The following CCDC88A variants were observed in gnomAD, a reference collection of about 807,000 sequenced individuals.
CCDC88A encodes the protein coiled-coil and HOOK domain protein 88A.
In CCDC88A, 54 loss-of-function variants were observed where a neutral mutation model predicts 234.3. That is an observed-to-expected ratio of 0.23 (90% CI 0.19 to 0.29). The LOEUF (loss-of-function observed/expected upper bound fraction) is 0.29, where lower values mean the gene tolerates loss of function less well. CCDC88A is among the 10% of genes least tolerant of loss of function. The pLI, the probability that CCDC88A is intolerant of heterozygous loss-of-function variation, is 1.00. For synonymous variants in CCDC88A, 753 were observed against 737.8 expected (o/e 1.02, Z -0.33); for missense variants, 1,832 against 2,123.4 (o/e 0.86, Z 2.70).
rs1158046207 is a variant in CCDC88A at position 55,388,809 on chromosome 2, A to T, written c.242T>A (p.Ile81Asn). The T allele has an allele frequency of 1.3e-6, 2 of 1,525,340 alleles. No homozygotes were observed. Among genetic ancestry groups the T allele is most frequent in the Non-Finnish European group, 1.8e-6 (2 of 1,116,256 alleles). 94.5% of individuals were successfully genotyped at this position (1,525,340 alleles called of 1,614,324 possible). A position where few individuals can be genotyped will look rare whatever the true frequency, so the allele number is the denominator to read the frequency against. ...DASLRMHNLS[I>N]LVRQIKFYYQ... is the part of the protein sequence containing the mutation. ...ATAAAATTTTATCTGTCTCACCAAAATGGATAGATTGTGCATTCTAAGTGA... is the reference window on the plus strand; with the variant it reads ...ATAAAATTTTATCTGTCTCACCAAATTGGATAGATTGTGCATTCTAAGTGA... The change falls in exon 3 of 33, where the codon ATT becomes AAT. Residue 81 changes from isoleucine to asparagine, a missense_variant. By Grantham distance (149) the Ile-to-Asn change is moderately radical. Transcript: ENST00000436346.
Position 55,367,528 on chromosome 2 carries a change from G to GTTTTTTTTTGTTT in CCDC88A, c.403-3496_403-3495insAAACAAAAAAAAA. On this transcript the variant is annotated intron_variant, in intron 5 of 32. Transcript: ENST00000436346. ...TTGCTAGAAATTGTTTTATTTCCTT[G>GTTTTTTTTTGTTT]TTTTTTTTTAAGAGACTGGGTCTTG... Among the ~76,000 whole-genome samples, 2 of 99,878 alleles carry GTTTTTTTTTGTTT rather than the reference G, an allele frequency of 2.0e-5. 1 individual carries two copies. The highest frequency in any genetic ancestry group is 6.8e-4 in the South Asian group (2 of 2,946). 65.5% of individuals were successfully genotyped at this position (99,878 alleles called of 152,430 possible). A position where few individuals can be genotyped will look rare whatever the true frequency, so the allele number is the denominator to read the frequency against.
chr2:55,413,218 A>C (rs1680788363), intron 2 of CCDC88A, among the ~76,000 whole-genome samples: 1 of 152,180 alleles, frequency 6.6e-6, no homozygotes, highest in Non-Finnish European at 1.5e-5. Flanking sequence ...AAAAACAAAC[A>C]AACAAACAAA....
chr2:55,297,890 G>T (rs1680386873), intron 29 of CCDC88A, among the ~76,000 whole-genome samples: 1 of 152,038 alleles, frequency 6.6e-6, no homozygotes, highest in African/African-American at 2.4e-5. Context: ...ATACACATAA[G>T]GAAAGTTAAA....
chr2:55,316,596 A>G (rs985835780), intron 21 of CCDC88A, among the ~76,000 whole-genome samples: 1 of 152,130 alleles, frequency 6.6e-6, no homozygotes, highest in Non-Finnish European at 1.5e-5. Context: ...TTAGCTAGGC[A>G]TGGTGGTGTG....
chr2:55,400,042 T>C (rs900411150), intron 2 of CCDC88A, among the ~76,000 whole-genome samples: 1 of 152,198 alleles, frequency 6.6e-6, no homozygotes, highest in Non-Finnish European at 1.5e-5. Flanking sequence ...AAAAGAAATG[T>C]AGTCTATTAA....
chr2:55,382,240 G>T (rs1341191390), intron 3 of CCDC88A, among the ~76,000 whole-genome samples: 1 of 152,090 alleles, frequency 6.6e-6, no homozygotes, highest in Non-Finnish European at 1.5e-5. Flanking sequence ...TTTTTTAGAA[G>T]TTAAAGAAAA....
intron 25 of CCDC88A, 179 bp downstream of exon 25, chr2:55,308,630 G>T (rs1361185690): frequency 1.0e-5 from 6 of 583,280 alleles, no homozygotes; most frequent in Non-Finnish European, 1.8e-5. Flanking sequence ...ATCTGTGTAT[G>T]ATTTACCTCA....
At chr2:55,366,534 TACACACACACACACACACACACACAC>T (rs201666406) in intron 5 of CCDC88A, among the ~76,000 whole-genome samples, 2 of 127,638 alleles carry the variant, frequency 1.6e-5, no homozygotes, top group East Asian at 2.2e-4. Flanking sequence ...CACACACACA[TACACACACACACACACACACACACAC>T]ACACACACAC....
chr2:55,401,192 G>C (rs1161178298), intron 2 of CCDC88A, among the ~76,000 whole-genome samples: 3 of 151,660 alleles, frequency 2.0e-5, no homozygotes, highest in African/African-American at 7.3e-5. Flanking sequence ...CACTTTGGGA[G>C]GCTGAGGCCA....
chr2:55,333,064 A>T (rs536929725), intron 15 of CCDC88A, among the ~76,000 whole-genome samples: 6 of 152,308 alleles, frequency 3.9e-5, no homozygotes, highest in Admixed American at 3.3e-4. Context: ...CTCCCACAAG[A>T]TCCCTTCTCC....
chr2:55,306,006 C>A (rs1681520237), intron 25 of CCDC88A: 1 of 152,158 alleles, frequency 6.6e-6, no homozygotes, highest in African/African-American at 2.4e-5. Context: ...AGCTCTGCCT[C>A]CTGGGTTCAT....
chr2:55,309,285 G>T lies in CCDC88A; in HGVS notation c.4080-31C>A, dbSNP rs528459080. 3 of 1,007,264 alleles carry T rather than the reference G, an allele frequency of 3.0e-6. No homozygotes were observed. The highest frequency in any genetic ancestry group is 2.1e-5 in the Admixed American group (1 of 48,750). The allele number at this position is 1,007,264 out of a possible 1,614,324, so 62.4% of individuals were successfully genotyped here. A position where few individuals can be genotyped will look rare whatever the true frequency, so the allele number is the denominator to read the frequency against. ...AAATAAAAATTACCTTTTAGGACAG[G>T]CATCATATTTTGTACAGCTATGAAT... On this transcript the variant is annotated intron_variant, in intron 23 of 32. Transcript: ENST00000436346. The surrounding 1 kb of genome is among the most constrained non-coding windows in gnomAD (Gnocchi z 5.1).
rs764946929 is a variant in CCDC88A, at chr2:55,317,604, G to A, written c.3562C>T (p.His1188Tyr). ...ISKHGTLKSA[H>Y]KNLEVEHRDL... ...CTATGTTCCACCTCAAGATTTTTGT[G>A]GGCAGACTTCAGAGTTCCATGTTTA... Residue 1188 changes from histidine to tyrosine, a missense_variant, in exon 20 of 33, where the codon CAC becomes TAC. Physicochemically the swap from His to Tyr is moderately conservative, Grantham distance 83 (BLOSUM62 2). This residue lies in a region of CCDC88A where 1,282 missense variants were observed against 1,543.6 expected (regional missense o/e 0.83). Coordinates refer to ENST00000436346, the MANE Select transcript of CCDC88A (RefSeq NM_001365480.1). This position sits in a 1 kb window ranked among gnomAD's most constrained non-coding sequence, Gnocchi z 4.2. 6.3e-7 allele frequency: 1 copy of A among 1,588,626 alleles called. No homozygotes were observed. The highest frequency in any genetic ancestry group is 2.3e-5 in the East Asian group (1 of 44,372).
chr2:55,304,656 A>T (rs1032533949), intron 25 of CCDC88A, among the ~76,000 whole-genome samples: 6 of 152,192 alleles, frequency 3.9e-5, no homozygotes, highest in African/African-American at 1.4e-4. Flanking sequence ...TTTTTGAAGG[A>T]ATTTGATTTT....
At chr2:55,344,950 C>T (rs970079498) in intron 10 of CCDC88A, among the ~76,000 whole-genome samples, 1 of 152,078 alleles carries the variant, frequency 6.6e-6, no homozygotes, top group African/African-American at 2.4e-5. Context: ...AAGACTTAAA[C>T]CAGAACTCAC....
chr2:55,354,306 T>C (rs918017956), intron 8 of CCDC88A, among the ~76,000 whole-genome samples: 2 of 151,956 alleles, frequency 1.3e-5, no homozygotes, highest in African/African-American at 4.8e-5. Flanking sequence ...AATTTTTGTA[T>C]TTTTAATAGA....
intron 7 of CCDC88A, among the ~76,000 whole-genome samples, chr2:55,359,349 A>G (rs937592634): frequency 2.0e-5 from 3 of 152,058 alleles, no homozygotes. Context: ...AATGAACTAC[A>G]TATTACAAAA....
Position 55,343,628 on chromosome 2 carries a change from A to C in CCDC88A, c.1333+20T>G, listed in dbSNP as rs1423735736. 1 of 1,572,444 alleles carries C rather than the reference A, an allele frequency of 6.4e-7. No homozygotes were observed. The highest frequency in any genetic ancestry group is 1.9e-5 in the Admixed American group (1 of 51,816). ...CTTCATGATTCGATTATCTATTTAA[A>C]TTAAAAAAATTGGGAATACCTTCGG... is the stretch of plus-strand genomic sequence containing the variant. On this transcript the variant is annotated intron_variant, in intron 12 of 32. Coordinates refer to ENST00000436346, the MANE Select transcript of CCDC88A (RefSeq NM_001365480.1).
At chr2:55,364,115 G>A (rs77713025) in intron 5 of CCDC88A, 82 bp from the exon 6 acceptor site, 11 of 595,832 alleles carry the variant, frequency 1.8e-5, no homozygotes, top group Non-Finnish European at 3.0e-5. Context: ...AACTTTATGA[G>A]GTTTGCTATA....
Sources: allele counts gnomAD v4.1 joint callset (sites outside exome capture counted in the v4.1 genomes callset), GRCh38; gene constraint gnomAD v4.1.1; regional missense constraint gnomAD v4.1.1; non-coding constraint Gnocchi (gnomAD v3.1); transcripts MANE v1.5; gene names NCBI Gene and HGNC (gene_info 2026-07-23, HGNC 2026-07-21).